Variants in PCDH7 observed in about 807,000 individuals in gnomAD.
The protein encoded by PCDH7 is protocadherin 7.
PCDH7 carries 17 observed loss-of-function variants against 58.9 expected under a neutral mutation model. The ratio of observed to expected loss-of-function variants is 0.29; its 90% CI spans 0.20 to 0.43. PCDH7 has a LOEUF of 0.43. Among genes scored for constraint, PCDH7 ranks in the 20% least tolerant of loss-of-function variants. The pLI, the probability that PCDH7 is intolerant of heterozygous loss-of-function variation, is 1.00. For synonymous variants in PCDH7, 664 were observed against 616.4 expected (o/e 1.08, Z -1.14); for missense variants, 1,274 against 1,441.0 (o/e 0.88, Z 1.88).
intron 3 of PCDH7, among the ~76,000 whole-genome samples, chr4:31,041,684 C>T (rs1410508843): frequency 6.6e-6 from 1 of 152,014 alleles, no homozygotes; most frequent in African/African-American, 2.4e-5. Context: ...TTCATTAGGG[C>T]AGGGCAATTT....
chr4:31,055,356 G>A (rs566921360), intron 3 of PCDH7, among the ~76,000 whole-genome samples: 1 of 152,042 alleles, frequency 6.6e-6, no homozygotes, highest in East Asian at 1.9e-4. Context: ...TTTGAAAAAC[G>A]AATTTCTACT....
At chr4:30,856,452 C>T (rs963944836) in intron 1 of PCDH7, among the ~76,000 whole-genome samples, 6 of 151,946 alleles carry the variant, frequency 3.9e-5, no homozygotes, top group African/African-American at 1.4e-4. Flanking sequence ...AAACTTTGAG[C>T]TTCTTAAATA....
At chr4:30,762,356 T>C (rs950320144) in intron 1 of PCDH7, among the ~76,000 whole-genome samples, 1 of 152,184 alleles carries the variant, frequency 6.6e-6, no homozygotes, top group African/African-American at 2.4e-5. Flanking sequence ...AATGATTAGA[T>C]AAATAACTAA....
intron 3 of PCDH7, among the ~76,000 whole-genome samples, chr4:31,075,234 C>G (rs1310015849): frequency 5.9e-5 from 9 of 152,014 alleles, no homozygotes; most frequent in Admixed American, 5.9e-4. Context: ...TTTGCATTTG[C>G]CTGAAAGTGG....
At chr4:30,929,838 A>C (rs559056722) in intron 2 of PCDH7, among the ~76,000 whole-genome samples, 1 of 152,244 alleles carries the variant, frequency 6.6e-6, no homozygotes, top group African/African-American at 2.4e-5. Context: ...AATTGTGTCC[A>C]TTGTTTCAGT....
intron 1 of PCDH7, among the ~76,000 whole-genome samples, chr4:30,743,727 T>C (rs958202412): frequency 2.0e-5 from 3 of 148,966 alleles, no homozygotes; most frequent in Non-Finnish European, 3.0e-5. Context: ...CTCTCATACA[T>C]ACACACACAC....
At chr4:31,099,750 C>G (rs1311744482) in intron 3 of PCDH7, among the ~76,000 whole-genome samples, 1 of 152,116 alleles carries the variant, frequency 6.6e-6, no homozygotes, top group Non-Finnish European at 1.5e-5. Context: ...AGGCTTCTTT[C>G]ATTCCTAAAC....
At chr4:31,044,463 C>T (rs906709382) in intron 3 of PCDH7, among the ~76,000 whole-genome samples, 7 of 151,904 alleles carry the variant, frequency 4.6e-5, no homozygotes, top group African/African-American at 1.7e-4. Context: ...TAATTATCAG[C>T]AAGAAGAATG....
intron 3 of PCDH7, among the ~76,000 whole-genome samples, chr4:31,082,994 G>T (rs910594917): frequency 6.6e-6 from 1 of 152,128 alleles, no homozygotes; most frequent in Non-Finnish European, 1.5e-5. Flanking sequence ...TGTAGTCCCA[G>T]CTACTCGGGA....
intron 1 of PCDH7, among the ~76,000 whole-genome samples, chr4:30,893,904 A>T (rs1160542572): frequency 1.3e-5 from 2 of 152,126 alleles, no homozygotes; most frequent in Non-Finnish European, 2.9e-5. Flanking sequence ...AGTGAATGTT[A>T]GATTATCCTC....
intron 1 of PCDH7, among the ~76,000 whole-genome samples, chr4:30,854,468 T>C (rs912315544): frequency 6.6e-6 from 1 of 151,648 alleles, no homozygotes; most frequent in Non-Finnish European, 1.5e-5. Flanking sequence ...TTTTTGTGGT[T>C]TCTTATTCCT....
intron 3 of PCDH7, among the ~76,000 whole-genome samples, chr4:30,954,278 C>A (rs560153890): frequency 6.6e-6 from 1 of 152,198 alleles, no homozygotes; most frequent in African/African-American, 2.4e-5. Flanking sequence ...TTTTTGCTGA[C>A]CCTACCCAAG....
chr4:31,084,720 G>A (rs1388427747), intron 3 of PCDH7, among the ~76,000 whole-genome samples: 1 of 101,612 alleles, frequency 9.8e-6, no homozygotes, highest in East Asian at 4.1e-4. Flanking sequence ...GGAGGGGAGG[G>A]GAGAAGAGGG....
intron 3 of PCDH7, among the ~76,000 whole-genome samples, chr4:31,059,501 A>G (rs1757516012): frequency 1.3e-5 from 2 of 151,836 alleles, no homozygotes; most frequent in South Asian, 4.1e-4. Flanking sequence ...GTATATGTAA[A>G]TATTTTCTTC....
chr4:31,094,717 A>G (rs750755974), intron 3 of PCDH7, among the ~76,000 whole-genome samples: 1 of 152,044 alleles, frequency 6.6e-6, no homozygotes, highest in Non-Finnish European at 1.5e-5. Flanking sequence ...AAACACATAA[A>G]CAAACAAAAA....
At chr4:30,900,818 A>G (rs1740112687) in intron 1 of PCDH7, among the ~76,000 whole-genome samples, 1 of 152,154 alleles carries the variant, frequency 6.6e-6, no homozygotes, top group South Asian at 2.1e-4. Flanking sequence ...ATTTGATCAC[A>G]TGGAAATAAA....
intron 1 of PCDH7, among the ~76,000 whole-genome samples, chr4:30,858,236 CTTTTT>C (rs1236373911): frequency 6.6e-6 from 1 of 151,990 alleles, no homozygotes; most frequent in Non-Finnish European, 1.5e-5. Context: ...GAAAAAGTCT[CTTTTT>C]TTTCTTTATC....
chr4:30,896,888 G>GCTTTTTTTTTTTTTTTTTTTTTTT (rs1739466840), intron 1 of PCDH7, among the ~76,000 whole-genome samples: 1 of 17,368 alleles, frequency 5.8e-5, no homozygotes, highest in Non-Finnish European at 1.2e-4. Context: ...CTAGTTCTTT[G>GCTTTTTTTTTTTTTTTTTTTTTTT]CTTTTTTTTT....
intron 3 of PCDH7, among the ~76,000 whole-genome samples, chr4:31,049,643 A>G (rs1159851053): frequency 6.6e-6 from 1 of 152,034 alleles, no homozygotes; most frequent in East Asian, 1.9e-4. Context: ...TTGGAATTTG[A>G]TCTGGCATGG....
Sources: allele counts gnomAD v4.1 joint callset (sites outside exome capture counted in the v4.1 genomes callset), GRCh38; gene constraint gnomAD v4.1.1; transcripts MANE v1.5; gene names NCBI Gene and HGNC (gene_info 2026-07-23, HGNC 2026-07-21).